Variants in DPP10 observed in about 807,000 individuals in gnomAD.
DPP10 encodes the protein inactive dipeptidyl peptidase 10.
A neutral mutation model predicts 120.9 loss-of-function variants in DPP10; 33 were observed. The ratio of observed to expected loss-of-function variants is 0.27; its 90% CI spans 0.21 to 0.37. The LOEUF (loss-of-function observed/expected upper bound fraction) is 0.37, where lower values mean the gene tolerates loss of function less well. DPP10 is among the 10% of genes least tolerant of loss of function. The pLI is 1.00. For missense variants in DPP10, 816 were observed against 942.8 expected (o/e 0.87, Z 1.76); for synonymous variants, 337 against 326.1 (o/e 1.03, Z -0.36).
intron 3 of DPP10, among the ~76,000 whole-genome samples, chr2:115,450,536 A>G (rs2073026694): frequency 1.3e-5 from 2 of 151,970 alleles, no homozygotes; most frequent in South Asian, 4.1e-4. Context: ...GATACAAGTC[A>G]ATACTTTGAA....
intron 3 of DPP10, among the ~76,000 whole-genome samples, chr2:115,412,008 A>C (rs2068990199): frequency 6.6e-6 from 1 of 152,206 alleles, no homozygotes; most frequent in Admixed American, 6.5e-5. Flanking sequence ...TCAGACATTT[A>C]TTAATGCTTA....
intron 1 of DPP10, among the ~76,000 whole-genome samples, chr2:114,656,980 T>C (rs10167941): frequency 0.23 from 35,297 of 151,958 alleles, 4,408 homozygotes; most frequent in Admixed American, 0.32. Context: ...TCTCAGATCT[T>C]TGTGGTAAGG....
At chr2:115,431,569 C>T (rs919406537) in intron 3 of DPP10, among the ~76,000 whole-genome samples, 9 of 152,080 alleles carry the variant, frequency 5.9e-5, no homozygotes, top group African/African-American at 2.2e-4. Flanking sequence ...AAAAAAGCAC[C>T]ACTCTTTAGA....
chr2:115,782,407 C>T lies in DPP10; in HGVS notation c.1531+8C>T, dbSNP rs1682877332. 1 of 1,610,082 alleles carries T rather than the reference C, an allele frequency of 6.2e-7. No homozygotes were observed. The highest frequency in any genetic ancestry group is 8.5e-7 in the Non-Finnish European group (1 of 1,176,538). On this transcript the variant is annotated splice_region_variant and intron_variant, in intron 17 of 25. Transcript: ENST00000410059. ...GTACGGACAACCCAGCAAGTGAGTA[C>T]ACAAGAAGACAATTAAGAATAGTTA...
At chr2:114,728,746 C>T (rs965680968) in intron 1 of DPP10, among the ~76,000 whole-genome samples, 2 of 152,268 alleles carry the variant, frequency 1.3e-5, no homozygotes, top group Admixed American at 1.3e-4. Context: ...ATTATTCCAT[C>T]TGAAGGAAAA....
Position 115,139,724 on chromosome 2 carries a change from TAAA to T in DPP10, c.61-169487_61-169485del, listed in dbSNP as rs55826687. ...AGGTAGATCTAAGAAGTAAAAATAC[TAAA>T]AAAAAAAAAAAAAAAAAAAAAAAAA... On this transcript the variant is annotated intron_variant, in intron 1 of 25. Coordinates refer to ENST00000410059, the MANE Select transcript of DPP10 (RefSeq NM_020868.6). Among the ~76,000 whole-genome samples the T allele has an allele frequency of 2.5e-3, 141 of 56,636 alleles. 2 individuals are homozygous for T. The highest frequency in any genetic ancestry group is 0.017 in the East Asian group (25 of 1,436). 37.2% of individuals were successfully genotyped at this position (56,636 alleles called of 152,430 possible).
intron 1 of DPP10, among the ~76,000 whole-genome samples, chr2:115,184,423 C>T (rs1364550787): frequency 6.6e-6 from 1 of 152,178 alleles, no homozygotes; most frequent in Non-Finnish European, 1.5e-5. Flanking sequence ...CTGTAGAAGA[C>T]ACGTGTGAAA....
chr2:115,275,773 C>T (rs918433634), intron 1 of DPP10, among the ~76,000 whole-genome samples: 13 of 149,516 alleles, frequency 8.7e-5, no homozygotes, highest in Non-Finnish European at 1.9e-4. Flanking sequence ...GATCTCGGCT[C>T]ACTGCAAGCT....
chr2:114,885,285 A>G (rs1038377522), intron 1 of DPP10, among the ~76,000 whole-genome samples: 2 of 152,100 alleles, frequency 1.3e-5, no homozygotes, highest in African/African-American at 4.8e-5. Flanking sequence ...GTGGAGGCGC[A>G]GGTGCCGCAA....
chr2:115,709,198 A>G (rs2092233713), intron 7 of DPP10, among the ~76,000 whole-genome samples: 2 of 152,070 alleles, frequency 1.3e-5, no homozygotes, highest in Admixed American at 1.3e-4. Flanking sequence ...GTGGAGGCAG[A>G]GTGTGGGTAT....
Position 114,544,033 on chromosome 2 carries a change from T to TA in DPP10, c.60+101207dup, listed in dbSNP as rs879493611. 4.3e-3 allele frequency among the ~76,000 whole-genome samples: 616 copies of TA among 144,340 alleles called. 4 individuals carry two copies. The highest frequency in any genetic ancestry group is 9.0e-3 in the African/African-American group (354 of 39,446). 94.7% of individuals were successfully genotyped at this position (144,340 alleles called of 152,430 possible). A position where few individuals can be genotyped will look rare whatever the true frequency, so the allele number is the denominator to read the frequency against. On this transcript the variant is annotated intron_variant, in intron 1 of 25. Coordinates refer to ENST00000410059, the MANE Select transcript of DPP10 (RefSeq NM_020868.6). ...GGTATATATCAGGGAATATAGCAGT[T>TA]AAAAAAAAAAAAGAAAAAATCCTTG... is the stretch of plus-strand genomic sequence containing the variant.
At chr2:114,632,595 C>T (rs1695015958) in intron 1 of DPP10, among the ~76,000 whole-genome samples, 1 of 141,492 alleles carries the variant, frequency 7.1e-6, no homozygotes, top group African/African-American at 2.7e-5. Context: ...TCACTGCAAG[C>T]TCTGCGTCCT....
intron 1 of DPP10, among the ~76,000 whole-genome samples, chr2:115,005,700 AG>A (rs1165436858): frequency 6.6e-6 from 1 of 152,098 alleles, no homozygotes; most frequent in Non-Finnish European, 1.5e-5. Context: ...AAAGCCTCCA[AG>A]AAATATGGGA....
intron 1 of DPP10, among the ~76,000 whole-genome samples, chr2:114,754,584 C>T (rs1341370941): frequency 6.6e-6 from 1 of 152,146 alleles, no homozygotes; most frequent in Non-Finnish European, 1.5e-5. Flanking sequence ...AAAATAGTAG[C>T]AAAGCTCTAC....
intron 1 of DPP10, among the ~76,000 whole-genome samples, chr2:115,017,057 T>A (rs1255150975): frequency 1.7e-5 from 1 of 60,284 alleles, no homozygotes; most frequent in Non-Finnish European, 3.0e-5. Flanking sequence ...GGGACTGTTG[T>A]GGAGTGGGGG....
chr2:115,261,724 C>T (rs1574208993), intron 1 of DPP10, among the ~76,000 whole-genome samples: 1 of 152,186 alleles, frequency 6.6e-6, no homozygotes, highest in East Asian at 1.9e-4. Flanking sequence ...TTTCTCATCA[C>T]TCTTTTGTAT....
chr2:114,960,394 T>G (rs1231735788), intron 1 of DPP10, among the ~76,000 whole-genome samples: 1 of 126,782 alleles, frequency 7.9e-6, no homozygotes, highest in African/African-American at 2.9e-5. Flanking sequence ...ATACTTTTGT[T>G]GGATGGAATA....
chr2:115,553,343 TA>T (rs1179403811), intron 5 of DPP10, among the ~76,000 whole-genome samples: 3 of 151,386 alleles, frequency 2.0e-5, no homozygotes. Context: ...ATCTAAATAA[TA>T]TGAAGCCAAT....
chr2:115,405,102 G>C (rs2068410170), intron 3 of DPP10, among the ~76,000 whole-genome samples: 1 of 152,106 alleles, frequency 6.6e-6, no homozygotes, highest in South Asian at 2.1e-4. Context: ...AAAGTCTAAA[G>C]TCCAAAGCTT....
Sources: allele counts gnomAD v4.1 joint callset (sites outside exome capture counted in the v4.1 genomes callset), GRCh38; gene constraint gnomAD v4.1.1; transcripts MANE v1.5; gene names NCBI Gene and HGNC (gene_info 2026-07-23, HGNC 2026-07-21).